The following SPATA3 variants were observed in gnomAD, a reference collection of about 807,000 sequenced individuals.
SPATA3 encodes spermatogenesis associated 3.
A neutral mutation model predicts 5.7 loss-of-function variants in SPATA3; 6 were observed. That is an observed-to-expected ratio of 1.06 (90% confidence interval 0.58 to 2.09). SPATA3 has a LOEUF of 2.09. SPATA3 is among the 30% of genes most tolerant of loss of function. The pLI is 0.00. For synonymous variants in SPATA3, 44 were observed against 48.4 expected, an observed-to-expected ratio of 0.91 and a Z score of 0.37; for missense variants, 155 against 130.4, an observed-to-expected ratio of 1.19 and a Z score of -0.92.
chr2:231,002,013 C>T (rs1388241340), intron 2 of SPATA3, among the ~76,000 whole-genome samples: 3 of 152,236 alleles, frequency 2.0e-5, no homozygotes, highest in Non-Finnish European at 2.9e-5. Context: ...AAAAGGCAAG[C>T]GTGAGGCTCA....
chr2:231,017,023 C>G (rs890178286), intron 6 of SPATA3, among the ~76,000 whole-genome samples: 11 of 152,166 alleles, frequency 7.2e-5, no homozygotes, highest in Non-Finnish European at 1.2e-4. Context: ...TATGTAATAT[C>G]TCATTTTTAA....
chr2:231,002,579 A>G, intron 2 of SPATA3, 105 bp from the exon 3 acceptor site: 1 of 591,414 alleles, frequency 1.7e-6, no homozygotes, highest in Non-Finnish European at 2.8e-6. Context: ...GAAGATGGGT[A>G]TTCCTGCAAT....
At chr2:231,012,741 T>G (rs538755049) in intron 5 of SPATA3, 5 of 152,172 alleles carry the variant, frequency 3.3e-5, no homozygotes, top group African/African-American at 4.8e-5. Flanking sequence ...AGAAGTGGAA[T>G]AGAGGATCAT....
chr2:231,003,323 T>G (rs1245278635), downstream of SPATA3, among the ~76,000 whole-genome samples: 2 of 152,226 alleles, frequency 1.3e-5, no homozygotes, highest in African/African-American at 4.8e-5. Flanking sequence ...GTCTCCCATC[T>G]GTCCTGCAAG....
At chr2:231,009,079 CATG>C (rs1692714783), downstream of SPATA3, among the ~76,000 whole-genome samples, 1 of 152,162 alleles carries the variant, frequency 6.6e-6, no homozygotes, top group African/African-American at 2.4e-5. Context: ...TCCTTTGGAA[CATG>C]AGGATAAAAT....
downstream of SPATA3, among the ~76,000 whole-genome samples, chr2:231,006,503 CAA>C (rs112077286): frequency 1.1e-4 from 16 of 140,488 alleles, no homozygotes; most frequent in East Asian, 2.1e-4. Flanking sequence ...AACTCTGTCT[CAA>C]AAAAAAAAAA....
downstream of SPATA3, among the ~76,000 whole-genome samples, chr2:231,005,855 A>G (rs1330289917): frequency 6.6e-6 from 1 of 151,906 alleles, no homozygotes; most frequent in African/African-American, 2.4e-5. Flanking sequence ...ATCACTTAAT[A>G]TTTTTCTTTA....
downstream of SPATA3, among the ~76,000 whole-genome samples, chr2:231,009,942 T>C (rs1692740240): frequency 6.6e-6 from 1 of 152,260 alleles, no homozygotes; most frequent in Non-Finnish European, 1.5e-5. Flanking sequence ...TGGAGAGGAC[T>C]ATTTTAAGTA....
In SPATA3 at chr2:231,020,016, G is replaced by GA. The variant is rs1553553318; in HGVS notation, c.*733+142dup. ...CCTAAAGTGTGGACATACCAAAGGG[G>GA]AAAAAAAAAAAAACAGTTACCTCTG... On this transcript the variant is annotated intron_variant, in intron 7 of 8. Coordinates refer to the SPATA3 transcript ENST00000452881. The GA allele has an allele frequency of 1.1e-3, 146 of 127,118 alleles. 1 individual carries two copies. Among genetic ancestry groups the GA allele is most frequent in the Middle Eastern group, 3.9e-3 (1 of 258 alleles). 7.9% of individuals were successfully genotyped at this position (127,118 alleles called of 1,614,324 possible).
chr2:231,005,064 TCATCACCAC>T (rs1692502677), downstream of SPATA3, among the ~76,000 whole-genome samples: 1 of 101,870 alleles, frequency 9.8e-6, no homozygotes, highest in African/African-American at 3.9e-5. Context: ...ACCATCACCA[TCATCACCAC>T]CACCATCATC....
At chr2:231,018,818 G>T (rs987944735) in intron 6 of SPATA3, among the ~76,000 whole-genome samples, 2 of 151,748 alleles carry the variant, frequency 1.3e-5, no homozygotes, top group African/African-American at 4.8e-5. Flanking sequence ...CCAAGTAGCT[G>T]GGATTACAGG....
At chr2:230,997,980 G>T (rs888804308) in intron 1 of SPATA3, among the ~76,000 whole-genome samples, 1 of 152,166 alleles carries the variant, frequency 6.6e-6, no homozygotes, top group Non-Finnish European at 1.5e-5. Flanking sequence ...AGCAGACGCT[G>T]GTAGCCCTGA....
At chr2:231,003,447 G>A (rs1024770266), downstream of SPATA3, among the ~76,000 whole-genome samples, 3 of 152,178 alleles carry the variant, frequency 2.0e-5, no homozygotes, top group African/African-American at 7.2e-5. Context: ...CTCAGGGAGT[G>A]AGGGAGTGAG....
At chr2:231,001,190 G>A (rs912061153) in intron 2 of SPATA3, among the ~76,000 whole-genome samples, 1 of 152,144 alleles carries the variant, frequency 6.6e-6, no homozygotes, top group African/African-American at 2.4e-5. Context: ...ACCAGGAGCA[G>A]TGTCATGGCT....
intron 4 of SPATA3, chr2:231,012,496 C>G (rs1475535722): frequency 1.3e-5 from 2 of 152,196 alleles, no homozygotes; most frequent in African/African-American, 4.8e-5. Flanking sequence ...TGATTATACC[C>G]TGGACACTGG....
At chr2:231,019,255 C>T (rs1475444856) in intron 6 of SPATA3, among the ~76,000 whole-genome samples, 1 of 151,572 alleles carries the variant, frequency 6.6e-6, no homozygotes, top group African/African-American at 2.4e-5. Flanking sequence ...AGGAGTGAGC[C>T]ACCGTGCCAG....
downstream of SPATA3, among the ~76,000 whole-genome samples, chr2:231,010,923 A>G (rs1692764903): frequency 6.6e-6 from 1 of 151,416 alleles, no homozygotes; most frequent in African/African-American, 2.4e-5. Flanking sequence ...TAAAAAAAAA[A>G]AAAAAAAAAT....
intron 1 of SPATA3, among the ~76,000 whole-genome samples, chr2:231,000,082 G>A (rs552405898): frequency 4.6e-5 from 7 of 152,210 alleles, no homozygotes; most frequent in South Asian, 2.1e-4. Context: ...CGTTGTTGTC[G>A]TCGCTGTTGC....
chr2:231,016,298 A>G (rs892081477), intron 6 of SPATA3, among the ~76,000 whole-genome samples: 1 of 151,930 alleles, frequency 6.6e-6, no homozygotes, highest in Middle Eastern at 3.4e-3. Flanking sequence ...AGCTCTCCTC[A>G]GAGGAGCAGA....
Sources: gnomAD v4.1 joint callset for allele counts (sites outside exome capture counted in the v4.1 genomes callset) on GRCh38, gnomAD v4.1.1 for gene constraint, MANE v1.5 for transcripts, NCBI Gene and HGNC (gene_info 2026-07-23, HGNC 2026-07-21) for gene names.